The following MMP17 variants were observed in gnomAD, a reference collection of about 807,000 sequenced individuals.
MMP17 encodes matrix metallopeptidase 17.
Under a neutral mutation model 49.1 loss-of-function variants are expected in MMP17, and 54 were observed. The observed-to-expected ratio is 1.10, with a 90% CI of 0.88 to 1.38. The LOEUF is 1.38. Among genes scored for constraint, MMP17 ranks in the 40% most tolerant of loss-of-function variants. The pLI, the probability that MMP17 is intolerant of heterozygous loss-of-function variation, is 0.00. For synonymous variants in MMP17, 397 were observed against 383.1 expected (o/e 1.04, Z -0.42); for missense variants, 837 against 853.7 (o/e 0.98, Z 0.24).
In MMP17 at chr12:131,845,935, C is replaced by T. The variant is rs543841616; in HGVS notation, c.1204+486C>T. Among the ~76,000 whole-genome samples the T allele has an allele frequency of 4.6e-5, 7 of 152,304 alleles. No homozygotes were observed. In the South Asian group the frequency reaches 1.4e-3, roughly 32 times the overall value. ...GCCTGGAGGAGGCTCGGGACAGAAG[C>T]GTGAGGGGCCGTGGCTGCTAGGGCC... On this transcript the variant is annotated intron_variant, in intron 8 of 9. Coordinates refer to ENST00000360564, the MANE Select transcript of MMP17 (RefSeq NM_016155.7).
rs758748339 is a variant in MMP17 at position 131,845,441 on chromosome 12, T to C, written c.1196T>C (p.Phe399Ser). The change falls in exon 8 of 10, where the codon TTC (phenylalanine) becomes TCC (serine). Residue 399 changes from phenylalanine (F) to serine (S), a missense_variant. Coordinates refer to ENST00000360564, the MANE Select transcript of MMP17 (RefSeq NM_016155.7). The part of the protein sequence containing the change: ...YERTSDHKIV[F>S]FKGDRYWVFK... ...CGCACCAGCGACCACAAGATCGTCTTCTTTAAAGGTGGGTGGGCCTCCCCG... is the reference window on the plus strand; with the variant it reads ...CGCACCAGCGACCACAAGATCGTCTCCTTTAAAGGTGGGTGGGCCTCCCCG... 14 of 1,564,852 alleles carry C rather than the reference T, an allele frequency of 8.9e-6. No homozygotes were observed. The highest frequency in any genetic ancestry group is 1.2e-5 in the Non-Finnish European group (14 of 1,157,756).
intron 7 of MMP17, 23 bp from the exon 8 acceptor site, chr12:131,845,274 G>C (rs747212883): frequency 6.2e-7 from 1 of 1,612,346 alleles, no homozygotes; most frequent in Non-Finnish European, 8.5e-7. Context: ...TCTGCAGCCC[G>C]GCCCTCCCCT....
intron 1 of MMP17, among the ~76,000 whole-genome samples, chr12:131,835,734 T>C (rs149164303): frequency 6.6e-6 from 1 of 152,288 alleles, no homozygotes; most frequent in Non-Finnish European, 1.5e-5. Context: ...CATCATCCAA[T>C]ATCATAGATG....
chr12:131,850,162 C>A, intron 9 of MMP17, 103 bp downstream of exon 9: 1 of 1,423,784 alleles, frequency 7.0e-7, no homozygotes, highest in Non-Finnish European at 9.3e-7. Flanking sequence ...GGAGGACGGC[C>A]CCGGTCGGTG....
chr12:131,836,243 C>A (rs1345048226), intron 1 of MMP17, among the ~76,000 whole-genome samples: 1 of 152,124 alleles, frequency 6.6e-6, no homozygotes, highest in Non-Finnish European at 1.5e-5. Context: ...GAAGGGGGAT[C>A]TCGGGGTGTG....
intron 1 of MMP17, among the ~76,000 whole-genome samples, chr12:131,836,015 C>T (rs1887065104): frequency 6.6e-6 from 1 of 152,134 alleles, no homozygotes; most frequent in Admixed American, 6.5e-5. Context: ...TTGTCAAGGC[C>T]AAGGCTGTCA....
intron 1 of MMP17, among the ~76,000 whole-genome samples, chr12:131,829,243 G>T (rs1225148603): frequency 6.6e-6 from 1 of 152,156 alleles, no homozygotes; most frequent in Non-Finnish European, 1.5e-5. Context: ...GGTCGGCCAG[G>T]CTGGCCCTGC....
intron 8 of MMP17, among the ~76,000 whole-genome samples, chr12:131,847,361 T>A (rs533722430): frequency 1.5e-5 from 2 of 137,596 alleles, no homozygotes; most frequent in Non-Finnish European, 3.0e-5. Context: ...TGCAGTGAGG[T>A]GAGATCACAC....
intron 1 of MMP17, among the ~76,000 whole-genome samples, chr12:131,837,452 T>G (rs770320045): frequency 5.9e-5 from 9 of 152,098 alleles, no homozygotes; most frequent in Non-Finnish European, 1.2e-4. Context: ...CCCCCATGAA[T>G]GTACAGCATG....
chr12:131,843,916 T>A lies in MMP17; in HGVS notation c.884-81T>A. Reference sequence around the variant, plus strand: ...TGCTGAGTGGCCTCGGTTTCATCCCTGGGATTCAGAAGGGCTGGTGGGATG... The same window carrying A: ...TGCTGAGTGGCCTCGGTTTCATCCCAGGGATTCAGAAGGGCTGGTGGGATG... On this transcript the variant is annotated intron_variant, in intron 5 of 9. Coordinates refer to ENST00000360564, the MANE Select transcript of MMP17 (RefSeq NM_016155.7). The A allele has an allele frequency of 2.9e-6, 3 of 1,045,342 alleles. No individual in the cohort carries two copies. In the South Asian group the frequency reaches 4.6e-5, roughly 16 times the overall value. 64.8% of individuals were successfully genotyped at this position (1,045,342 alleles called of 1,614,324 possible).
At chr12:131,842,982 A>G (rs12300552) in intron 5 of MMP17, among the ~76,000 whole-genome samples, 11,136 of 151,710 alleles carry the variant, frequency 0.073, 1,091 homozygotes, top group African/African-American at 0.22. Flanking sequence ...TAATGCAGCC[A>G]TGCAACCTTT....
rs187978858 is a variant in MMP17, at chr12:131,845,261, G to A, written c.1052-36G>A. 1,423 of 1,613,578 alleles carry A rather than the reference G, an allele frequency of 8.8e-4. 10 individuals carry two copies. The African/African-American group carries it at 0.013, about 15-fold the overall frequency. On this transcript the variant is annotated intron_variant, in intron 7 of 9. Transcript: ENST00000360564. Reference sequence around the variant, plus strand: ...CCATGGCCCACTCTGGGTGCAGACCGTCTCTGCAGCCCGGCCCTCCCCTCT... The same window carrying A: ...CCATGGCCCACTCTGGGTGCAGACCATCTCTGCAGCCCGGCCCTCCCCTCT...
chr12:131,845,454 G>A lies in MMP17; in HGVS notation c.1204+5G>A. On this transcript the variant is annotated splice_donor_5th_base_variant and intron_variant, in intron 8 of 9. Transcript: ENST00000360564. ...ACAAGATCGTCTTCTTTAAAGGTGGGTGGGCCTCCCCGTCGCACTCCGGGC... is the reference window on the plus strand; with the variant it reads ...ACAAGATCGTCTTCTTTAAAGGTGGATGGGCCTCCCCGTCGCACTCCGGGC... The A allele has an allele frequency of 7.7e-6, 12 of 1,557,510 alleles. No individual in the cohort carries two copies. The highest frequency in any genetic ancestry group is 1.0e-5 in the Non-Finnish European group (12 of 1,153,924).
rs1593227314 is a variant in MMP17, at chr12:131,838,530, G to T, written c.293-82G>T. 2.4e-5 allele frequency: 36 copies of T among 1,517,414 alleles called. No homozygotes were observed. The South Asian group carries it at 4.2e-4, about 18-fold the overall frequency. The allele number at this position is 1,517,414 out of a possible 1,614,324, so 94.0% of individuals were successfully genotyped here. ...GCTCGGAGGCTGGTGCCAGAGTCAG[G>T]GCTCCCACCCTTGCGGATGCTCGGG... On this transcript the variant is annotated intron_variant, in intron 2 of 9. Coordinates refer to ENST00000360564, the MANE Select transcript of MMP17 (RefSeq NM_016155.7).
chr12:131,851,066 G>A lies in MMP17; in HGVS notation c.1604G>A (p.Gly535Asp), dbSNP rs1887947004. The A allele has an allele frequency of 1.2e-6, 2 of 1,607,842 alleles. No homozygotes were observed. Among genetic ancestry groups the A allele is most frequent in the Admixed American group, 1.7e-5 (1 of 59,376 alleles). Residue 535 changes from glycine to aspartate, a missense_variant, in exon 10 of 10, where the codon GGC becomes GAC. Physicochemically the swap from Gly to Asp is moderately conservative, Grantham distance 94 (BLOSUM62 -1). Transcript: ENST00000360564. ...CAGGCCGATGGATCTGTGGCTGCGG[G>A]CGTGGACGCGGCAGAGGGGCCCCGC... is the stretch of plus-strand genomic sequence containing the variant. ...DSQADGSVAAGVDAAEGPRAP... is the reference protein window; with the variant it reads ...DSQADGSVAADVDAAEGPRAP...
rs1277591601 is a variant in MMP17 at position 131,845,936 on chromosome 12, G to A, written c.1204+487G>A. ...CCTGGAGGAGGCTCGGGACAGAAGCGTGAGGGGCCGTGGCTGCTAGGGCCG... is the reference window on the plus strand; with the variant it reads ...CCTGGAGGAGGCTCGGGACAGAAGCATGAGGGGCCGTGGCTGCTAGGGCCG... On this transcript the variant is annotated intron_variant, in intron 8 of 9. Coordinates refer to ENST00000360564, the MANE Select transcript of MMP17 (RefSeq NM_016155.7). Among the ~76,000 whole-genome samples, 3 of 152,194 alleles carry A rather than the reference G, an allele frequency of 2.0e-5. No individual in the cohort carries two copies. The East Asian group carries it at 5.8e-4, about 29-fold the overall frequency.
chr12:131,851,369 GCGGGATGAGGA>G lies in MMP17; in HGVS notation c.*100_*110del, dbSNP rs1218670776. ...CGGAGTCCCTGGGGGAGGTGCTGGC[GCGGGATGAGGA>G]CGGGCCACCCTGGCACCGGAAGGCC... is the stretch of plus-strand genomic sequence containing the variant. On this transcript the variant is annotated 3_prime_UTR_variant, in exon 10 of 10. Transcript: ENST00000360564. 2 of 1,158,910 alleles carry G rather than the reference GCGGGATGAGGA, an allele frequency of 1.7e-6. No individual in the cohort carries two copies. The highest frequency in any genetic ancestry group is 3.2e-5 in the African/African-American group (2 of 62,168). The allele number at this position is 1,158,910 out of a possible 1,614,324, so 71.8% of individuals were successfully genotyped here. A position where few individuals can be genotyped will look rare whatever the true frequency, so the allele number is the denominator to read the frequency against.
chr12:131,835,228 T>C (rs1318640477), intron 1 of MMP17, among the ~76,000 whole-genome samples: 2 of 152,162 alleles, frequency 1.3e-5, no homozygotes, highest in Non-Finnish European at 2.9e-5. Context: ...CCCCCCAAGA[T>C]TCGATGCCAT....
intron 8 of MMP17, 29 bp from the exon 9 acceptor site, chr12:131,849,773 C>T (rs188513915): frequency 2.6e-5 from 41 of 1,593,528 alleles, no homozygotes; most frequent in Middle Eastern, 1.7e-4. Flanking sequence ...GGCCGAGCCC[C>T]GGCCCACAGC....
Sources: gnomAD v4.1 joint callset for allele counts (sites outside exome capture counted in the v4.1 genomes callset) on GRCh38, gnomAD v4.1.1 for gene constraint, MANE v1.5 for transcripts, NCBI Gene and HGNC (gene_info 2026-07-23, HGNC 2026-07-21) for gene names.